SLC25A16: variants seen among roughly 807,000 people sequenced by gnomAD.
The protein encoded by SLC25A16 is solute carrier family 25 member 16.
Under a neutral mutation model 41.5 loss-of-function variants are expected in SLC25A16, and 39 were observed. That is an observed-to-expected ratio of 0.94 (90% CI 0.73 to 1.23). The LOEUF (loss-of-function observed/expected upper bound fraction) is 1.23, where lower values mean the gene tolerates loss of function less well. Among genes scored for constraint, SLC25A16 ranks in the 50% most tolerant of loss-of-function variants. The probability of loss-of-function intolerance (pLI) is 0.00; values close to 1 mark genes in which losing one functional copy is unlikely to be tolerated. For synonymous variants in SLC25A16, 146 were observed against 147.8 expected, an observed-to-expected ratio of 0.99 and a Z score of 0.09; for missense variants, 421 against 426.9, an observed-to-expected ratio of 0.99 and a Z score of 0.12.
At chr10:68,524,297 A>ACAGC (rs1378818554) in intron 1 of SLC25A16, among the ~76,000 whole-genome samples, 3 of 113,598 alleles carry the variant, frequency 2.6e-5, no homozygotes, top group Non-Finnish European at 5.4e-5. Context: ...CCTGGGCAAC[A>ACAGC]GAAACTCCAT....
At chr10:68,486,207 A>G (rs1406169730) in intron 8 of SLC25A16, among the ~76,000 whole-genome samples, 1 of 140,554 alleles carries the variant, frequency 7.1e-6, no homozygotes, top group Admixed American at 7.1e-5. Context: ...GACAAGAGTG[A>G]GACTTTGTCT....
intron 6 of SLC25A16, among the ~76,000 whole-genome samples, chr10:68,491,092 T>C (rs1471741891): frequency 1.3e-5 from 2 of 152,094 alleles, no homozygotes; most frequent in African/African-American, 4.8e-5. Context: ...CTGCCAAGGC[T>C]GGTCTCAAAT....
Position 68,506,728 on chromosome 10 carries a change from G to C in SLC25A16, c.224-10C>G. On this transcript the variant is annotated splice_polypyrimidine_tract_variant and intron_variant, in intron 2 of 8. Coordinates refer to ENST00000609923, the MANE Select transcript of SLC25A16 (RefSeq NM_152707.4). ...AATGCAGAAAATACTCCTATTTTTA[G>C]AGGAAAAATGCTGTTAAAACAGAGA... The C allele has an allele frequency of 6.5e-7, 1 of 1,545,924 alleles. No homozygotes were observed.
Position 68,527,480 on chromosome 10 carries a change from G to A in SLC25A16, c.-105C>T, listed in dbSNP as rs987157293. ...CAGGAGGCTGACCGCCCCGCCGGCGGGGCAAAGTAACACCCGGCGGCGCGG... is the reference window on the plus strand; with the variant it reads ...CAGGAGGCTGACCGCCCCGCCGGCGAGGCAAAGTAACACCCGGCGGCGCGG... On this transcript the variant is annotated 5_prime_UTR_variant, in exon 1 of 9. Transcript: ENST00000609923. 59 of 1,195,206 alleles carry A rather than the reference G, an allele frequency of 4.9e-5. No individual in the cohort carries two copies. Among genetic ancestry groups the A allele is most frequent in the Middle Eastern group, 2.9e-4 (1 of 3,424 alleles). The allele number at this position is 1,195,206 out of a possible 1,614,324, so 74.0% of individuals were successfully genotyped here.
chr10:68,496,197 T>C (rs1019228201), intron 4 of SLC25A16, among the ~76,000 whole-genome samples: 35 of 152,294 alleles, frequency 2.3e-4, no homozygotes, highest in African/African-American at 8.2e-4. Context: ...AATCAGAGAA[T>C]TACTGAAGAG....
chr10:68,484,057 A>C (rs1312810852), intron 8 of SLC25A16, among the ~76,000 whole-genome samples: 1 of 152,246 alleles, frequency 6.6e-6, no homozygotes, highest in African/African-American at 2.4e-5. Context: ...CATAATAAAA[A>C]GGCAAGTCAT....
chr10:68,516,806 T>C lies in SLC25A16; in HGVS notation c.168A>G (p.Pro56=), dbSNP rs1335508922. Residue 56 remains proline, a synonymous_variant, in exon 2 of 9, where the codon CCA becomes CCG. Coordinates refer to ENST00000609923, the MANE Select transcript of SLC25A16 (RefSeq NM_152707.4). ...AGCCAKTTVA[P]LDRVKVLLQA... is the part of the protein sequence containing the mutation. ...GTAATAAAACCTTTACTCGATCCAA[T>C]GGAGCAACTGTTGTTTTGGCACAGC... is the stretch of plus-strand genomic sequence containing the variant. 3.1e-6 allele frequency: 5 copies of C among 1,613,642 alleles called. No homozygotes were observed. The highest frequency in any genetic ancestry group is 4.2e-6 in the Non-Finnish European group (5 of 1,179,728).
chr10:68,498,275 A>G (rs2052783741), intron 4 of SLC25A16, among the ~76,000 whole-genome samples: 1 of 152,010 alleles, frequency 6.6e-6, no homozygotes, highest in African/African-American at 2.4e-5. Context: ...TTGCTTTTGA[A>G]TTCTGGATCA....
chr10:68,515,244 C>T (rs2053141110), intron 2 of SLC25A16, among the ~76,000 whole-genome samples: 1 of 150,506 alleles, frequency 6.6e-6, no homozygotes, highest in Non-Finnish European at 1.5e-5. Flanking sequence ...GTAATCCCAG[C>T]TACTCAGGAG....
intron 4 of SLC25A16, among the ~76,000 whole-genome samples, chr10:68,494,848 C>G (rs1027242211): frequency 2.0e-5 from 3 of 149,624 alleles, no homozygotes; most frequent in African/African-American, 7.4e-5. Context: ...CACTGCACTC[C>G]AGCCCGGGCG....
chr10:68,491,659 C>T (rs1208684630), intron 6 of SLC25A16, among the ~76,000 whole-genome samples: 3 of 152,168 alleles, frequency 2.0e-5, no homozygotes, highest in Non-Finnish European at 2.9e-5. Context: ...AACAGAGTCA[C>T]CATGCTTAAG....
At chr10:68,517,288 A>G in intron 1 of SLC25A16, 1 of 983,828 alleles carries the variant, frequency 1.0e-6, no homozygotes, top group Non-Finnish European at 1.2e-6. Context: ...TCATTGAAAC[A>G]ACCAACTTTT....
intron 1 of SLC25A16, among the ~76,000 whole-genome samples, 172 bp downstream of exon 1, chr10:68,527,074 C>A (rs2053348760): frequency 6.6e-6 from 1 of 152,194 alleles, no homozygotes; most frequent in Non-Finnish European, 1.5e-5. Context: ...ACCTAGCTGT[C>A]ATTAGTCAAG....
Position 68,478,500 on chromosome 10 carries a change from T to C in SLC25A16, c.*4932A>G, listed in dbSNP as rs955899572. ...TTGTACATAGTTTGGGAATAATCCT[T>C]GGGGAAAAAAAATAAATAATTATAC... On this transcript the variant is annotated 3_prime_UTR_variant, in exon 9 of 9. Transcript: ENST00000609923. 1 of 151,966 alleles carries C rather than the reference T, an allele frequency of 6.6e-6. No homozygotes were observed. Among genetic ancestry groups the C allele is most frequent in the African/African-American group, 2.4e-5 (1 of 41,380 alleles). 9.4% of individuals were successfully genotyped at this position (151,966 alleles called of 1,614,324 possible).
chr10:68,513,753 G>A (rs1202309176), intron 2 of SLC25A16, among the ~76,000 whole-genome samples: 1 of 152,052 alleles, frequency 6.6e-6, no homozygotes, highest in Non-Finnish European at 1.5e-5. Context: ...AACTGGACAT[G>A]GTGGCACACC....
intron 2 of SLC25A16, among the ~76,000 whole-genome samples, chr10:68,513,616 G>A (rs547310651): frequency 5.3e-5 from 8 of 152,206 alleles, no homozygotes; most frequent in South Asian, 4.1e-4. Flanking sequence ...GTGCCCGCGC[G>A]TGGTGGCTCA....
chr10:68,485,178 C>T (rs1299327723), intron 8 of SLC25A16, among the ~76,000 whole-genome samples: 1 of 152,176 alleles, frequency 6.6e-6, no homozygotes, highest in Non-Finnish European at 1.5e-5. Flanking sequence ...CAACCTCCGT[C>T]TCCTGGGCTC....
intron 4 of SLC25A16, chr10:68,499,796 A>G: frequency 4.6e-6 from 2 of 436,042 alleles, no homozygotes; most frequent in Non-Finnish European, 8.8e-6. Context: ...GCAGTGGGAA[A>G]AGGCTAATGG....
At chr10:68,516,526 T>G (rs924870723) in intron 2 of SLC25A16, among the ~76,000 whole-genome samples, 2 of 152,214 alleles carry the variant, frequency 1.3e-5, no homozygotes, top group African/African-American at 4.8e-5. Context: ...TAAAGCACAT[T>G]GATTTTTTAA....
Sources: gnomAD v4.1 joint callset for allele counts (sites outside exome capture counted in the v4.1 genomes callset) on GRCh38, gnomAD v4.1.1 for gene constraint, MANE v1.5 for transcripts, NCBI Gene and HGNC (gene_info 2026-07-23, HGNC 2026-07-21) for gene names.